The following ITGB8 variants were observed in gnomAD, a reference collection of about 807,000 sequenced individuals.
The protein encoded by ITGB8 is integrin subunit beta 8.
In ITGB8, 30 loss-of-function variants were observed where a neutral mutation model predicts 89.5. That is an observed-to-expected ratio of 0.34 (90% CI 0.25 to 0.45). The LOEUF is 0.45. ITGB8 is among the 20% of genes least tolerant of loss of function. The pLI, the probability that ITGB8 is intolerant of heterozygous loss-of-function variation, is 1.00. For synonymous variants in ITGB8, 335 were observed against 320.4 expected (o/e 1.05, Z -0.49); for missense variants, 836 against 933.3 (o/e 0.90, Z 1.36).
intron 6 of ITGB8, among the ~76,000 whole-genome samples, chr7:20,386,963 A>G (rs941289566): frequency 3.3e-5 from 5 of 152,182 alleles, no homozygotes; most frequent in African/African-American, 9.7e-5. Flanking sequence ...AACTGATGTC[A>G]TATTTGCCAG....
intron 1 of ITGB8, among the ~76,000 whole-genome samples, chr7:20,343,985 T>C (rs867809549): frequency 1.8e-4 from 27 of 152,224 alleles, no homozygotes; most frequent in African/African-American, 6.5e-4. Flanking sequence ...TTGCAAATTT[T>C]CACCATTACT....
At chr7:20,369,938 G>A (rs1785858995) in intron 3 of ITGB8, among the ~76,000 whole-genome samples, 1 of 151,910 alleles carries the variant, frequency 6.6e-6, no homozygotes, top group Non-Finnish European at 1.5e-5. Context: ...GGTTGTTATT[G>A]ATGATGTTGT....
chr7:20,350,527 T>C (rs1483619938), intron 1 of ITGB8, among the ~76,000 whole-genome samples: 1 of 152,248 alleles, frequency 6.6e-6, no homozygotes, highest in Non-Finnish European at 1.5e-5. Flanking sequence ...GAACTGTACA[T>C]GCTATAAAGC....
intron 1 of ITGB8, among the ~76,000 whole-genome samples, chr7:20,341,687 C>T (rs766012309): frequency 6.6e-6 from 1 of 152,106 alleles, no homozygotes; most frequent in Non-Finnish European, 1.5e-5. Flanking sequence ...GGAGATTGGG[C>T]CCACCCACCC....
At chr7:20,364,590 A>G (rs1342519911) in intron 2 of ITGB8, 1 of 152,222 alleles carries the variant, frequency 6.6e-6, no homozygotes, top group Non-Finnish European at 1.5e-5. Flanking sequence ...CTCCCTACTG[A>G]TAGCCTAAAG....
intron 1 of ITGB8, chr7:20,353,191 T>A (rs1263483335): frequency 1.3e-5 from 2 of 152,248 alleles, no homozygotes; most frequent in African/African-American, 4.8e-5. Context: ...TTTCTTAACC[T>A]GCCCAAGGTT....
In ITGB8 at chr7:20,402,110, T is replaced by A. The variant is rs747069550; in HGVS notation, c.1671T>A (p.His557Gln). 2 of 1,611,708 alleles carry A rather than the reference T, an allele frequency of 1.2e-6. No individual in the cohort carries two copies. The highest frequency in any genetic ancestry group is 1.7e-6 in the Non-Finnish European group (2 of 1,178,782). ...EKDDFSCPYHHGNLCAGHGEC... is the reference protein window; with the variant it reads ...EKDDFSCPYHQGNLCAGHGEC... ...ATGACTTTTCTTGTCCATATCACCA[T>A]GGAAATCTGTGTGCTGGTGAGTATA... Residue 557 changes from histidine (H) to glutamine (Q), a missense_variant, in exon 10 of 14, where the codon CAT becomes CAA. His to Gln is a conservative substitution (Grantham distance 24, BLOSUM62 0). Coordinates refer to ENST00000222573, the MANE Select transcript of ITGB8 (RefSeq NM_002214.3).
Position 20,404,537 on chromosome 7 carries a change from T to C in ITGB8, c.1688-91T>C, listed in dbSNP as rs1787454128. The C allele has an allele frequency of 8.5e-6, 9 of 1,052,982 alleles. 1 individual carries two copies. The highest frequency in any genetic ancestry group is 2.3e-4 in the Middle Eastern group (1 of 4,362). The allele number at this position is 1,052,982 out of a possible 1,614,324, so 65.2% of individuals were successfully genotyped here. On this transcript the variant is annotated intron_variant, in intron 10 of 13. Coordinates refer to ENST00000222573, the MANE Select transcript of ITGB8 (RefSeq NM_002214.3). ...CCATTCATTGGACTGTCAGTGCGTT[T>C]CCATGGAGATGATACAGGAATCCAT...
chr7:20,366,875 A>G (rs1785718714), intron 2 of ITGB8, 137 bp from the exon 3 acceptor site: 1 of 591,888 alleles, frequency 1.7e-6, no homozygotes, highest in African/African-American at 2.0e-5. Context: ...TTTTTCTTGT[A>G]GAAATAGTAA....
At chr7:20,341,934 G>T (rs374951129) in intron 1 of ITGB8, among the ~76,000 whole-genome samples, 53 of 152,046 alleles carry the variant, frequency 3.5e-4, no homozygotes, top group African/African-American at 1.1e-3. Context: ...CTTTCTACTG[G>T]TGGGGTAGAA....
chr7:20,380,966 C>T (rs1055364375), intron 5 of ITGB8, 135 bp downstream of exon 5: 12 of 707,596 alleles, frequency 1.7e-5, no homozygotes, highest in Non-Finnish European at 1.6e-5. Context: ...TCTTACTCCT[C>T]ACCAAGGTGA....
intron 1 of ITGB8, among the ~76,000 whole-genome samples, chr7:20,357,690 T>C (rs10247786): frequency 0.013 from 2,051 of 152,306 alleles, 53 homozygotes; most frequent in African/African-American, 0.046. Context: ...GCGGAGGAGA[T>C]GGAGACTTGG....
intron 1 of ITGB8, among the ~76,000 whole-genome samples, chr7:20,333,496 T>C (rs1426218630): frequency 1.3e-5 from 2 of 152,220 alleles, no homozygotes; most frequent in South Asian, 4.1e-4. Flanking sequence ...AAATTTGTGT[T>C]AACACAGTAT....
chr7:20,397,275 G>A (rs1787123340), intron 8 of ITGB8, among the ~76,000 whole-genome samples: 1 of 151,622 alleles, frequency 6.6e-6, no homozygotes, highest in Non-Finnish European at 1.5e-5. Context: ...TGCCCAGGCT[G>A]GAGTGCAGTG....
At chr7:20,334,575 A>G (rs937685925) in intron 1 of ITGB8, among the ~76,000 whole-genome samples, 1 of 152,168 alleles carries the variant, frequency 6.6e-6, no homozygotes, top group African/African-American at 2.4e-5. Context: ...TTATTTTGTG[A>G]CCATATCATT....
At chr7:20,358,617 G>C (rs1785383486) in intron 1 of ITGB8, among the ~76,000 whole-genome samples, 1 of 152,174 alleles carries the variant, frequency 6.6e-6, no homozygotes, top group East Asian at 1.9e-4. Context: ...TGGTCAGGCT[G>C]GTCTCGAACT....
chr7:20,409,270 CTCTT>C (rs1332614918), intron 12 of ITGB8, among the ~76,000 whole-genome samples: 3 of 152,310 alleles, frequency 2.0e-5, no homozygotes, highest in African/African-American at 4.8e-5. Flanking sequence ...AAAACTAGTC[CTCTT>C]TCTGTCTTGG....
intron 12 of ITGB8, among the ~76,000 whole-genome samples, chr7:20,409,124 T>C (rs889187873): frequency 6.6e-6 from 1 of 152,206 alleles, no homozygotes; most frequent in Non-Finnish European, 1.5e-5. Context: ...CTGCAGATGT[T>C]TACTTTATTT....
At chr7:20,405,660 A>T (rs1157531858) in intron 11 of ITGB8, among the ~76,000 whole-genome samples, 1 of 152,068 alleles carries the variant, frequency 6.6e-6, no homozygotes, top group Non-Finnish European at 1.5e-5. Context: ...GGTGTCTGTG[A>T]CACACCCTAG....
Sources: allele counts gnomAD v4.1 joint callset (sites outside exome capture counted in the v4.1 genomes callset), GRCh38; gene constraint gnomAD v4.1.1; transcripts MANE v1.5; gene names NCBI Gene and HGNC (gene_info 2026-07-23, HGNC 2026-07-21).